HNF4A: variants seen among roughly 807,000 people sequenced by gnomAD.
HNF4A encodes the protein hepatocyte nuclear factor 4 alpha.
A neutral mutation model predicts 52.4 loss-of-function variants in HNF4A; 15 were observed. The ratio of observed to expected loss-of-function variants is 0.29; its 90% confidence interval spans 0.19 to 0.44. The LOEUF (loss-of-function observed/expected upper bound fraction) is 0.44. Ranked by LOEUF, HNF4A falls within the 20% of genes least tolerant of loss-of-function variation. HNF4A has a pLI of 1.00. For missense variants in HNF4A, 479 were observed against 647.2 expected (o/e 0.74, Z 2.82); for synonymous variants, 280 against 264.4 (o/e 1.06, Z -0.57).
chr20:44,428,711 T>C (rs1307711498), intron 9 of HNF4A, among the ~76,000 whole-genome samples: 2 of 152,334 alleles, frequency 1.3e-5, no homozygotes, highest in East Asian at 3.9e-4. Context: ...GGCAATCCAC[T>C]GGATGAGGTA....
chr20:44,412,465 G>A (rs935887958), intron 3 of HNF4A, among the ~76,000 whole-genome samples: 5 of 152,152 alleles, frequency 3.3e-5, no homozygotes, highest in Admixed American at 1.3e-4. Flanking sequence ...GTGCGGATGC[G>A]TCCAGGTGGG....
At chr20:44,426,704 G>T (rs1244513860) in intron 8 of HNF4A, among the ~76,000 whole-genome samples, 1 of 152,154 alleles carries the variant, frequency 6.6e-6, no homozygotes, top group Non-Finnish European at 1.5e-5. Context: ...CTACTCGGGA[G>T]GCTGAGGCAG....
intron 8 of HNF4A, among the ~76,000 whole-genome samples, 162 bp from the exon 9 acceptor site, chr20:44,428,173 G>A: frequency 6.6e-6 from 1 of 152,220 alleles, no homozygotes; most frequent in South Asian, 2.1e-4. Context: ...TCTATAGATG[G>A]GAATGGTACA....
intron 1 of HNF4A, among the ~76,000 whole-genome samples, chr20:44,358,325 C>G (rs1342318087): frequency 6.6e-6 from 1 of 151,916 alleles, no homozygotes; most frequent in Non-Finnish European, 1.5e-5. Context: ...AACCCCTCTC[C>G]CAGGCTGGGT....
intron 7 of HNF4A, among the ~76,000 whole-genome samples, chr20:44,420,309 G>A (rs568305087): frequency 7.0e-4 from 106 of 152,150 alleles, no homozygotes; most frequent in Non-Finnish European, 1.1e-3. Context: ...TCCAGCCTGG[G>A]TGACTCCATC....
intron 1 of HNF4A, among the ~76,000 whole-genome samples, chr20:44,388,518 G>A (rs1208526458): frequency 6.6e-6 from 1 of 151,988 alleles, no homozygotes; most frequent in African/African-American, 2.4e-5. Context: ...GTGTGATGGG[G>A]AGATGTTCTT....
intron 1 of HNF4A, among the ~76,000 whole-genome samples, chr20:44,387,131 C>A (rs764418846): frequency 1.3e-5 from 2 of 151,656 alleles, no homozygotes; most frequent in African/African-American, 4.8e-5. Context: ...GGCGAAACCC[C>A]GTCTCTACTA....
intron 1 of HNF4A, among the ~76,000 whole-genome samples, chr20:44,357,359 G>A (rs922692448): frequency 1.3e-5 from 2 of 152,116 alleles, no homozygotes; most frequent in Admixed American, 1.3e-4. Flanking sequence ...GAGATTAAGG[G>A]TGAGGCCACC....
At chr20:44,373,252 C>T (rs1297875319) in intron 1 of HNF4A, among the ~76,000 whole-genome samples, 1 of 152,166 alleles carries the variant, frequency 6.6e-6, no homozygotes, top group African/African-American at 2.4e-5. Flanking sequence ...TGGGCTCAAG[C>T]CATCCTCTCG....
Position 44,406,090 on chromosome 20 carries a change from G to A in HNF4A, c.148G>A (p.Ala50Thr), listed in dbSNP as rs1223493898. ...CCCATCAGAAGGCACCAACCTCAACGCGCCCAACAGCCTGGGTGTCAGCGC... is the reference window on the plus strand; with the variant it reads ...CCCATCAGAAGGCACCAACCTCAACACGCCCAACAGCCTGGGTGTCAGCGC... The change falls in exon 2 of 10, where the codon GCG becomes ACG. Residue 50 changes from alanine (A) to threonine (T), a missense_variant. Around this residue, in one of 3 missense-constraint regions of HNF4A, gnomAD observed 90 missense variants for 105.5 expected, o/e 0.85. Coordinates refer to ENST00000316099, the MANE Select transcript of HNF4A (RefSeq NM_000457.6). 3 of 1,612,972 alleles carry A rather than the reference G, an allele frequency of 1.9e-6. No homozygotes were observed. The highest frequency in any genetic ancestry group is 1.3e-5 in the African/African-American group (1 of 75,004).
At chr20:44,404,949 A>C (rs62206821) in intron 1 of HNF4A, among the ~76,000 whole-genome samples, 1 of 95,974 alleles carries the variant, frequency 1.0e-5, no homozygotes, top group Non-Finnish European at 2.0e-5. Context: ...CGTGTGTGGG[A>C]ACTGTGTGGT....
intron 1 of HNF4A, among the ~76,000 whole-genome samples, chr20:44,374,845 G>A (rs1383902581): frequency 6.6e-6 from 1 of 152,092 alleles, no homozygotes; most frequent in Non-Finnish European, 1.5e-5. Context: ...TTTTCCTTTG[G>A]TTATATACCA....
chr20:44,370,120 G>T (rs967020698), intron 1 of HNF4A, among the ~76,000 whole-genome samples: 3 of 152,052 alleles, frequency 2.0e-5, no homozygotes, highest in Admixed American at 6.5e-5. Flanking sequence ...TCCGCCTCCC[G>T]GGTTCACGCC....
chr20:44,425,074 C>A (rs542574484), intron 8 of HNF4A, among the ~76,000 whole-genome samples: 12 of 152,180 alleles, frequency 7.9e-5, no homozygotes, highest in Non-Finnish European at 1.5e-4. Flanking sequence ...CTCCACCTCC[C>A]GAGTTCAAGC....
intron 7 of HNF4A, among the ~76,000 whole-genome samples, chr20:44,421,566 C>T (rs1460227916): frequency 6.6e-6 from 1 of 151,858 alleles, no homozygotes; most frequent in African/African-American, 2.4e-5. Flanking sequence ...CCAGCCTGGC[C>T]AACATGGTGA....
intron 1 of HNF4A, chr20:44,402,464 A>G (rs1448433667): frequency 1.2e-6 from 1 of 824,144 alleles, no homozygotes; most frequent in Non-Finnish European, 1.8e-6. Flanking sequence ...TCTGGTGTGC[A>G]CGACTGCACA....
intron 8 of HNF4A, among the ~76,000 whole-genome samples, chr20:44,428,093 T>A (rs1292317504): frequency 6.6e-6 from 1 of 152,220 alleles, no homozygotes; most frequent in African/African-American, 2.4e-5. Context: ...CTTCCTTATA[T>A]GCACCTTGTT....
At chr20:44,366,914 G>A (rs1439783537) in intron 1 of HNF4A, among the ~76,000 whole-genome samples, 1 of 152,118 alleles carries the variant, frequency 6.6e-6, no homozygotes, top group Non-Finnish European at 1.5e-5. Flanking sequence ...TAGGGCTTGG[G>A]GGCCACACAC....
chr20:44,407,141 G>A (rs895886851), intron 2 of HNF4A, among the ~76,000 whole-genome samples: 1 of 152,184 alleles, frequency 6.6e-6, no homozygotes, highest in Non-Finnish European at 1.5e-5. Context: ...CCAGCAGAGC[G>A]ACCCAGGACC....
Sources: gnomAD v4.1 joint callset for allele counts (sites outside exome capture counted in the v4.1 genomes callset) on GRCh38, gnomAD v4.1.1 for gene constraint, gnomAD v4.1.1 regional missense constraint, MANE v1.5 for transcripts, NCBI Gene and HGNC (gene_info 2026-07-23, HGNC 2026-07-21) for gene names.